Variants in PDE5A observed in about 807,000 individuals in gnomAD.
PDE5A encodes phosphodiesterase 5A, also known as cGMP-specific 3',5'-cyclic phosphodiesterase.
PDE5A carries 67 observed loss-of-function variants against 110.2 expected under a neutral mutation model. The ratio of observed to expected loss-of-function variants is 0.61; its 90% CI spans 0.50 to 0.75. The LOEUF (loss-of-function observed/expected upper bound fraction) is 0.75, where lower values mean the gene tolerates loss of function less well. Among genes scored for constraint, PDE5A ranks in the 30% least tolerant of loss-of-function variants. PDE5A has a pLI of 0.00. For synonymous variants in PDE5A, 328 were observed against 351.2 expected, an observed-to-expected ratio of 0.93 and a Z score of 0.74; for missense variants, 862 against 1,045.1, an observed-to-expected ratio of 0.82 and a Z score of 2.42.
At chr4:119,571,888 G>A (rs1319454029) in intron 3 of PDE5A, among the ~76,000 whole-genome samples, 1 of 151,804 alleles carries the variant, frequency 6.6e-6, no homozygotes, top group African/African-American at 2.4e-5. Context: ...TTATATTCTT[G>A]GGGCACTGTT....
chr4:119,505,840 A>T lies in PDE5A; in HGVS notation c.2267+15T>A, dbSNP rs1180102760. 6.9e-7 allele frequency: 1 copy of T among 1,458,770 alleles called. No homozygotes were observed. Among genetic ancestry groups the T allele is most frequent in the East Asian group, 2.3e-5 (1 of 42,706 alleles). 90.4% of individuals were successfully genotyped at this position (1,458,770 alleles called of 1,614,324 possible). A position where few individuals can be genotyped will look rare whatever the true frequency, so the allele number is the denominator to read the frequency against. ...GGTAAAAAACTTCAGCTTTAAAGAT[A>T]GTAAACCTACTTACAAAAACAACTC... On this transcript the variant is annotated intron_variant, in intron 17 of 20. Transcript: ENST00000354960.
At chr4:119,563,550 G>A (rs1727819149) in intron 5 of PDE5A, among the ~76,000 whole-genome samples, 2 of 152,078 alleles carry the variant, frequency 1.3e-5, no homozygotes, top group Admixed American at 6.6e-5. Context: ...GCTGAGGTCT[G>A]AAAGATGAGC....
chr4:119,513,087 T>C (rs1481192970), intron 14 of PDE5A: 3 of 152,128 alleles, frequency 2.0e-5, no homozygotes, highest in African/African-American at 7.2e-5. Context: ...CATCCACTGA[T>C]GTAGTGTCCA....
chr4:119,541,695 T>C (rs1462760235), intron 10 of PDE5A: 2 of 152,192 alleles, frequency 1.3e-5, no homozygotes, highest in Non-Finnish European at 2.9e-5. Context: ...GAAATCTCCA[T>C]GTTACATCAA....
intron 11 of PDE5A, among the ~76,000 whole-genome samples, chr4:119,538,029 T>C (rs1726787962): frequency 6.6e-6 from 1 of 152,100 alleles, no homozygotes. Flanking sequence ...TCATCTTTCC[T>C]GTCTCAGCAC....
At chr4:119,546,285 A>C (rs1727126154) in intron 9 of PDE5A, among the ~76,000 whole-genome samples, 1 of 152,164 alleles carries the variant, frequency 6.6e-6, no homozygotes, top group African/African-American at 2.4e-5. Context: ...CAATAGCTTG[A>C]CATAGTAAAT....
intron 2 of PDE5A, among the ~76,000 whole-genome samples, chr4:119,606,186 G>A (rs1193190180): frequency 2.0e-5 from 3 of 152,080 alleles, no homozygotes; most frequent in Non-Finnish European, 4.4e-5. Context: ...GAAGACATCT[G>A]TAAGTTTATC....
At chr4:119,619,798 ACATTATCTC>A (rs1730077772) in intron 1 of PDE5A, among the ~76,000 whole-genome samples, 1 of 152,232 alleles carries the variant, frequency 6.6e-6, no homozygotes, top group Non-Finnish European at 1.5e-5. Flanking sequence ...GAGGTAAATG[ACATTATCTC>A]CATTTTACAG....
intron 14 of PDE5A, among the ~76,000 whole-genome samples, chr4:119,515,647 C>T (rs545409761): frequency 5.9e-5 from 9 of 152,310 alleles, no homozygotes; most frequent in African/African-American, 1.9e-4. Context: ...GGCACCATCA[C>T]TGTTCCAGTT....
chr4:119,590,459 TA>T (rs1465097793), intron 3 of PDE5A, among the ~76,000 whole-genome samples: 1 of 152,200 alleles, frequency 6.6e-6, no homozygotes, highest in Non-Finnish European at 1.5e-5. Context: ...CCTTCCAAAA[TA>T]AATTATTTTA....
At chr4:119,580,443 G>A (rs967963365) in intron 3 of PDE5A, among the ~76,000 whole-genome samples, 1 of 152,164 alleles carries the variant, frequency 6.6e-6, no homozygotes, top group African/African-American at 2.4e-5. Flanking sequence ...ACAGCCTGCT[G>A]TCTTTCCCAT....
At chr4:119,520,611 T>C (rs1010290407) in intron 13 of PDE5A, among the ~76,000 whole-genome samples, 4 of 152,114 alleles carry the variant, frequency 2.6e-5, no homozygotes, top group African/African-American at 9.7e-5. Context: ...AGAAATGTGA[T>C]ACTTTTTCTT....
At chr4:119,553,897 G>A (rs1727450445) in intron 7 of PDE5A, 151 bp from the exon 8 acceptor site, 3 of 563,014 alleles carry the variant, frequency 5.3e-6, no homozygotes, top group Non-Finnish European at 9.4e-6. Context: ...TGTGTTTGAT[G>A]ATTTACAACT....
intron 18 of PDE5A, among the ~76,000 whole-genome samples, chr4:119,502,914 T>C (rs971433879): frequency 3.7e-5 from 5 of 135,738 alleles, no homozygotes; most frequent in Non-Finnish European, 8.3e-5. Context: ...TTTAAAAATG[T>C]TTTCTTCATT....
chr4:119,626,730 C>G (rs1424902138), intron 1 of PDE5A, among the ~76,000 whole-genome samples: 2 of 152,178 alleles, frequency 1.3e-5, no homozygotes, highest in African/African-American at 4.8e-5. Context: ...CAAAAAAGTG[C>G]CCTTTCAGGG....
At chr4:119,533,844 GAAT>G (rs1335121616) in intron 11 of PDE5A, among the ~76,000 whole-genome samples, 1 of 151,984 alleles carries the variant, frequency 6.6e-6, no homozygotes, top group Non-Finnish European at 1.5e-5. Flanking sequence ...TTGCAATTGG[GAAT>G]AATATACACA....
intron 12 of PDE5A, among the ~76,000 whole-genome samples, chr4:119,523,035 A>AAGGAAATAAGT (rs1325675088): frequency 6.6e-6 from 1 of 152,114 alleles, no homozygotes; most frequent in African/African-American, 2.4e-5. Flanking sequence ...TGCATATATA[A>AAGGAAATAAGT]AGGAAATAAG....
intron 2 of PDE5A, among the ~76,000 whole-genome samples, chr4:119,605,734 TA>T (rs33944547): frequency 0.98 from 148,727 of 152,262 alleles, 72,734 homozygotes; most frequent in East Asian, 1. Flanking sequence ...TGGCATCTGT[TA>T]ATGACCTGCT....
intron 7 of PDE5A, among the ~76,000 whole-genome samples, chr4:119,557,776 G>A (rs1256782711): frequency 6.6e-6 from 1 of 152,114 alleles, no homozygotes; most frequent in African/African-American, 2.4e-5. Context: ...CCAGTATGTG[G>A]TGCAACTTAA....
Sources: gnomAD v4.1 joint callset for allele counts (sites outside exome capture counted in the v4.1 genomes callset) on GRCh38, gnomAD v4.1.1 for gene constraint, MANE v1.5 for transcripts, NCBI Gene and HGNC (gene_info 2026-07-23, HGNC 2026-07-21) for gene names.